NECTIN3: variants seen among roughly 807,000 people sequenced by gnomAD.
NECTIN3 encodes the protein nectin-3.
A neutral mutation model predicts 49.4 loss-of-function variants in NECTIN3; 8 were observed. The observed-to-expected ratio is 0.16, with a 90% CI of 0.10 to 0.29. The LOEUF is 0.29. Ranked by LOEUF, NECTIN3 falls within the 10% of genes least tolerant of loss-of-function variation. The pLI, the probability that NECTIN3 is intolerant of heterozygous loss-of-function variation, is 1.00. For missense variants in NECTIN3, 581 were observed against 654.6 expected, an observed-to-expected ratio of 0.89 and a Z score of 1.23; for synonymous variants, 277 against 241.1, an observed-to-expected ratio of 1.15 and a Z score of -1.38.
At chr3:111,148,699 G>A (rs1277200169) in intron 7 of NECTIN3, among the ~76,000 whole-genome samples, 1 of 151,924 alleles carries the variant, frequency 6.6e-6, no homozygotes, top group African/African-American at 2.4e-5. Context: ...TAATAGTTCT[G>A]TAAATTATCT....
In NECTIN3 at chr3:111,136,439, A is replaced by C; in HGVS notation, c.*2224A>C. 1 of 984,114 alleles carries C rather than the reference A, an allele frequency of 1.0e-6. No individual in the cohort carries two copies. Among genetic ancestry groups the C allele is most frequent in the Non-Finnish European group, 1.2e-6 (1 of 828,932 alleles). 61.0% of individuals were successfully genotyped at this position (984,114 alleles called of 1,614,324 possible). A position where few individuals can be genotyped will look rare whatever the true frequency, so the allele number is the denominator to read the frequency against. Reference sequence around the variant, plus strand: ...AGTATTTGACATATTCTGTATCCTTAATCCAATCATTTGGCAAACTAAAAG... The same window carrying C: ...AGTATTTGACATATTCTGTATCCTTCATCCAATCATTTGGCAAACTAAAAG... On this transcript the variant is annotated 3_prime_UTR_variant, in exon 6 of 6. Transcript: ENST00000485303.
intron 1 of NECTIN3, chr3:111,192,486 T>C (rs2035830110): frequency 7.4e-7 from 1 of 1,350,918 alleles, no homozygotes; most frequent in East Asian, 2.5e-5. Flanking sequence ...TATCATTTAA[T>C]TGTATACAAG....
intron 1 of NECTIN3, among the ~76,000 whole-genome samples, chr3:111,087,087 T>C (rs1433585204): frequency 6.6e-6 from 1 of 152,208 alleles, no homozygotes; most frequent in Non-Finnish European, 1.5e-5. Flanking sequence ...TGTGACCTTA[T>C]GTAAAGAGAC....
intron 6 of NECTIN3, among the ~76,000 whole-genome samples, chr3:111,145,889 G>A (rs1222397461): frequency 2.0e-5 from 3 of 152,078 alleles, no homozygotes; most frequent in Non-Finnish European, 2.9e-5. Flanking sequence ...CACAATTATA[G>A]CACTAGTCTT....
At chr3:111,191,217 C>T (rs2035806978), upstream of NECTIN3, among the ~76,000 whole-genome samples, 1 of 152,184 alleles carries the variant, frequency 6.6e-6, no homozygotes, top group African/African-American at 2.4e-5. Context: ...CTATTTACCA[C>T]TTACCAGTTG....
chr3:111,100,148 T>C (rs1301129712), intron 1 of NECTIN3, among the ~76,000 whole-genome samples: 1 of 152,074 alleles, frequency 6.6e-6, no homozygotes, highest in Non-Finnish European at 1.5e-5. Flanking sequence ...TAGAGGTGCT[T>C]CCTTTGAAAC....
intron 7 of NECTIN3, among the ~76,000 whole-genome samples, chr3:111,187,253 A>G (rs2035736311): frequency 6.6e-6 from 1 of 152,198 alleles, no homozygotes; most frequent in Non-Finnish European, 1.5e-5. Context: ...AATTGAAAAA[A>G]TTAGCCAGGC....
intron 1 of NECTIN3, among the ~76,000 whole-genome samples, chr3:111,107,206 C>T (rs1160412083): frequency 1.3e-5 from 2 of 151,800 alleles, no homozygotes; most frequent in Non-Finnish European, 2.9e-5. Flanking sequence ...GTGTGTATTT[C>T]CAAATGTTTT....
At chr3:111,120,984 C>T (rs920769697) in intron 3 of NECTIN3, among the ~76,000 whole-genome samples, 1 of 150,010 alleles carries the variant, frequency 6.7e-6, no homozygotes, top group African/African-American at 2.4e-5. Context: ...ACACCTAAAA[C>T]AGTGTATTAT....
intron 6 of NECTIN3, among the ~76,000 whole-genome samples, chr3:111,146,266 C>T (rs2034873154): frequency 6.6e-6 from 1 of 151,668 alleles, no homozygotes; most frequent in African/African-American, 2.4e-5. Context: ...AACCCCGTCT[C>T]TACTAAAAAT....
intron 1 of NECTIN3, among the ~76,000 whole-genome samples, chr3:111,111,130 G>T (rs551660722): frequency 1.3e-5 from 2 of 152,090 alleles, no homozygotes; most frequent in Admixed American, 1.3e-4. Context: ...TATGTGAGTT[G>T]TAGACCTCCA....
chr3:111,111,959 T>A, intron 1 of NECTIN3, 71 bp from the exon 2 acceptor site: 1 of 887,584 alleles, frequency 1.1e-6, no homozygotes, highest in Admixed American at 2.6e-5. Context: ...ACACAGGGGG[T>A]CAGGAAGGGA....
chr3:111,144,866 T>G, intron 5 of NECTIN3: 1 of 1,507,060 alleles, frequency 6.6e-7, no homozygotes. Context: ...TTTTTAAGAT[T>G]ATTTGAAAAG....
chr3:111,102,829 A>G (rs1054978595), intron 1 of NECTIN3, among the ~76,000 whole-genome samples: 22 of 152,182 alleles, frequency 1.4e-4, no homozygotes, highest in African/African-American at 4.1e-4. Context: ...TTTGTGAAAG[A>G]TATAAAATCT....
At chr3:111,124,381 T>G (rs1305985788) in intron 4 of NECTIN3, among the ~76,000 whole-genome samples, 1 of 152,190 alleles carries the variant, frequency 6.6e-6, no homozygotes, top group East Asian at 1.9e-4. Context: ...ATGCTTTTGT[T>G]GTAGGTTTAA....
intron 1 of NECTIN3, 131 bp from the exon 2 acceptor site, chr3:111,111,898 CA>C (rs2033477775): frequency 2.4e-6 from 1 of 418,876 alleles, no homozygotes; most frequent in African/African-American, 4.4e-5. Context: ...TGTGTGTGTG[CA>C]TGTGTGTGTG....
At chr3:111,161,776 A>G (rs543762311) in intron 7 of NECTIN3, among the ~76,000 whole-genome samples, 9 of 152,238 alleles carry the variant, frequency 5.9e-5, no homozygotes, top group African/African-American at 2.2e-4. Flanking sequence ...GTTCTGGGGG[A>G]CAAAGTTAAC....
At chr3:111,123,309 C>T (rs2034029532) in intron 4 of NECTIN3, among the ~76,000 whole-genome samples, 1 of 152,082 alleles carries the variant, frequency 6.6e-6, no homozygotes. Context: ...CATACTATCT[C>T]TTTTCCCTCC....
Position 111,072,166 on chromosome 3 carries a change from C to G in NECTIN3, c.149C>G (p.Ser50Cys). Reference sequence around the variant, plus strand: ...CTGCTCTTCCCGCTGCTGCTCTTCTCCAGGCTCTGTGGTAGGTGAACCTCG... The same window carrying G: ...CTGCTCTTCCCGCTGCTGCTCTTCTGCAGGCTCTGTGGTAGGTGAACCTCG... ...LLLLFPLLLF[S>C]RLCGALAGPI... is the part of the protein sequence containing the mutation. The change falls in exon 1 of 6, where the codon TCC becomes TGC. Residue 50 changes from serine to cysteine, a missense_variant. Transcript: ENST00000485303. The G allele has an allele frequency of 6.4e-7, 1 of 1,555,726 alleles. No individual in the cohort carries two copies. The highest frequency in any genetic ancestry group is 8.7e-7 in the Non-Finnish European group (1 of 1,150,952).
Sources: allele counts gnomAD v4.1 joint callset (sites outside exome capture counted in the v4.1 genomes callset), GRCh38; gene constraint gnomAD v4.1.1; transcripts MANE v1.5; gene names NCBI Gene and HGNC (gene_info 2026-07-23, HGNC 2026-07-21).